ERG: variants seen among roughly 807,000 people sequenced by gnomAD.
ERG encodes transcriptional regulator ERG.
A neutral mutation model predicts 55.3 loss-of-function variants in ERG; 9 were observed. That is an observed-to-expected ratio of 0.16 (90% CI 0.10 to 0.28). The LOEUF is 0.28. ERG is among the 10% of genes least tolerant of loss of function. ERG has a pLI of 1.00. For missense variants in ERG, 434 were observed against 631.6 expected, an observed-to-expected ratio of 0.69 and a Z score of 3.35; for synonymous variants, 223 against 237.3, an observed-to-expected ratio of 0.94 and a Z score of 0.55.
intron 1 of ERG, among the ~76,000 whole-genome samples, chr21:38,617,048 A>G (rs2035267456): frequency 1.3e-5 from 2 of 152,342 alleles, no homozygotes; most frequent in South Asian, 2.1e-4. Context: ...AGAGAGACCT[A>G]GGGAGTTACA....
At chr21:38,440,324 A>G (rs764358856) in intron 2 of ERG, among the ~76,000 whole-genome samples, 117 of 152,342 alleles carry the variant, frequency 7.7e-4, no homozygotes, top group Non-Finnish European at 1.3e-3. Flanking sequence ...GCTCCTCCAG[A>G]GGCAGGCAGC....
intron 2 of ERG, among the ~76,000 whole-genome samples, chr21:38,568,984 TA>T (rs775176542): frequency 2.6e-5 from 4 of 152,134 alleles, no homozygotes; most frequent in Non-Finnish European, 4.4e-5. Context: ...ACAGGGGTGA[TA>T]GGGGGTGAGC....
intron 1 of ERG, chr21:38,660,525 G>A (rs2060546678): frequency 6.6e-6 from 1 of 152,254 alleles, no homozygotes; most frequent in Non-Finnish European, 1.5e-5. Context: ...GACTTACCGA[G>A]AGGTTAGCGC....
At chr21:38,588,897 TAA>T (rs3216105), upstream of ERG, among the ~76,000 whole-genome samples, 2 of 151,116 alleles carry the variant, frequency 1.3e-5, no homozygotes, top group Non-Finnish European at 2.9e-5. Context: ...GGCTAATTTT[TAA>T]AAAAAAAATT....
rs1326568298 is a variant in ERG, at chr21:38,380,083, C to T, written c.*3320G>A. The T allele has an allele frequency of 1.3e-5, 13 of 1,019,726 alleles. No homozygotes were observed. Among genetic ancestry groups the T allele is most frequent in the Non-Finnish European group, 1.4e-5 (12 of 850,112 alleles). The allele number at this position is 1,019,726 out of a possible 1,614,324, so 63.2% of individuals were successfully genotyped here. A position where few individuals can be genotyped will look rare whatever the true frequency, so the allele number is the denominator to read the frequency against. ...TTTTATTCTCTAATTAGTCACCTCA[C>T]GACTTTATTTGAATGAATTAATGAG... On this transcript the variant is annotated 3_prime_UTR_variant, in exon 10 of 10. Coordinates refer to ENST00000288319, the MANE Select transcript of ERG (RefSeq NM_182918.4).
chr21:38,634,591 T>G (rs1441865424), intron 1 of ERG, among the ~76,000 whole-genome samples: 1 of 152,220 alleles, frequency 6.6e-6, no homozygotes. Flanking sequence ...AACATCTGTA[T>G]TCTCAGGGTG....
At chr21:38,418,927 CAAAAAAAAAA>C (rs35001409) in intron 3 of ERG, among the ~76,000 whole-genome samples, 17 of 80,926 alleles carry the variant, frequency 2.1e-4, no homozygotes, top group African/African-American at 6.9e-4. Flanking sequence ...GACTTTGTCT[CAAAAAAAAAA>C]AAAAAAAAAA....
At chr21:38,369,631 C>A in the ERG span, among the ~76,000 whole-genome samples, 1 of 152,112 alleles carries the variant, frequency 6.6e-6, no homozygotes, top group African/African-American at 2.4e-5. Flanking sequence ...TAATTAGATC[C>A]TATTTGTCAA....
chr21:38,448,088 T>TA (rs376290374), intron 1 of ERG, among the ~76,000 whole-genome samples: 13 of 151,958 alleles, frequency 8.6e-5, no homozygotes, highest in Admixed American at 3.9e-4. Context: ...GTTTGAATAA[T>TA]AAAAAAAAGA....
chr21:38,436,476 G>A (rs763810267), intron 2 of ERG, among the ~76,000 whole-genome samples: 8 of 152,294 alleles, frequency 5.3e-5, no homozygotes, highest in South Asian at 4.1e-4. Flanking sequence ...CAGGAAAGAC[G>A]TTCAGCTTCT....
At chr21:38,583,540 C>T (rs2836543) in intron 1 of ERG, among the ~76,000 whole-genome samples, 76,325 of 152,046 alleles carry the variant, frequency 0.5, 21,781 homozygotes, top group Non-Finnish European at 0.64. Flanking sequence ...GGAAATGGCT[C>T]ATCTTTCCAA....
chr21:38,572,622 A>C (rs1033566950), intron 2 of ERG, among the ~76,000 whole-genome samples: 5 of 152,230 alleles, frequency 3.3e-5, no homozygotes, highest in Non-Finnish European at 5.9e-5. Flanking sequence ...TATAAAGGAA[A>C]TAAATATCTT....
intron 9 of ERG, among the ~76,000 whole-genome samples, chr21:38,387,946 C>T (rs549537588): frequency 2.5e-4 from 38 of 152,324 alleles, no homozygotes; most frequent in African/African-American, 8.9e-4. Flanking sequence ...CTCTAGGCTG[C>T]CATGCTTAAT....
intron 6 of ERG, 150 bp from the exon 7 acceptor site, chr21:38,392,594 T>C (rs56136844): frequency 0.071 from 40,671 of 575,618 alleles, 1,822 homozygotes; most frequent in Non-Finnish European, 0.092. Flanking sequence ...ATTTGAGTTT[T>C]ATTTACAAAT....
intron 3 of ERG, among the ~76,000 whole-genome samples, chr21:38,414,666 C>G (rs1989202989): frequency 6.6e-6 from 1 of 152,168 alleles, no homozygotes; most frequent in Non-Finnish European, 1.5e-5. Context: ...CCAGATCCCA[C>G]AGTTAGTACA....
intron 1 of ERG, among the ~76,000 whole-genome samples, chr21:38,489,536 C>T (rs184860485): frequency 2.4e-4 from 36 of 152,362 alleles, no homozygotes; most frequent in Admixed American, 2.3e-3. Flanking sequence ...GAGTAATTCA[C>T]AAAGTCCAAT....
rs183454409 is a variant in ERG, at chr21:38,607,660, A to C, written c.-149-22715T>G. Among the ~76,000 whole-genome samples the C allele has an allele frequency of 1.1e-3, 175 of 152,336 alleles. 1 individual carries two copies. Among genetic ancestry groups the C allele is most frequent in the African/African-American group, 4.1e-3 (170 of 41,570 alleles). ...TCTCAAAAAAAAAATACAAAGGTAA[A>C]CAAAGACAATTATGAGTGGATATAT... On this transcript the variant is annotated intron_variant, in intron 1 of 10. Coordinates refer to the ERG transcript ENST00000398910.
intron 1 of ERG, among the ~76,000 whole-genome samples, chr21:38,611,706 C>A (rs1037262332): frequency 2.0e-5 from 3 of 152,138 alleles, no homozygotes; most frequent in South Asian, 2.1e-4. Flanking sequence ...CCACAGCAGG[C>A]CTTTGCTCAT....
chr21:38,576,759 G>A (rs2059997062), intron 1 of ERG, among the ~76,000 whole-genome samples: 1 of 152,060 alleles, frequency 6.6e-6, no homozygotes, highest in Non-Finnish European at 1.5e-5. Flanking sequence ...GAGAGCAGGG[G>A]TGAGAGGAGA....
Sources: gnomAD v4.1 joint callset for allele counts (sites outside exome capture counted in the v4.1 genomes callset) on GRCh38, gnomAD v4.1.1 for gene constraint, MANE v1.5 for transcripts, NCBI Gene and HGNC (gene_info 2026-07-23, HGNC 2026-07-21) for gene names.